Variants in SH3GL2 observed in about 807,000 individuals in gnomAD.
The protein encoded by SH3GL2 is endophilin-A1.
A neutral mutation model predicts 46.0 loss-of-function variants in SH3GL2; 24 were observed. The ratio of observed to expected loss-of-function variants is 0.52; its 90% CI spans 0.38 to 0.73. The LOEUF (loss-of-function observed/expected upper bound fraction) is 0.73, where lower values mean the gene tolerates loss of function less well. Ranked by LOEUF, SH3GL2 falls within the 30% of genes least tolerant of loss-of-function variation. The probability of loss-of-function intolerance (pLI) is 0.00; values close to 1 mark genes in which losing one functional copy is unlikely to be tolerated. For synonymous variants in SH3GL2, 196 were observed against 147.1 expected (o/e 1.33, Z -2.40); for missense variants, 413 against 424.2 (o/e 0.97, Z 0.23).
intron 1 of SH3GL2, among the ~76,000 whole-genome samples, chr9:17,619,683 A>AAAAT (rs1554630681): frequency 3.3e-5 from 5 of 152,276 alleles, no homozygotes; most frequent in South Asian, 2.1e-4. Context: ...ATCTCAAAAA[A>AAAAT]AAAATAAAAT....
At chr9:17,701,768 A>G (rs1201880178) in intron 1 of SH3GL2, among the ~76,000 whole-genome samples, 1 of 152,116 alleles carries the variant, frequency 6.6e-6, no homozygotes, top group African/African-American at 2.4e-5. Context: ...TATTTAAAAA[A>G]TAAATATAAC....
At chr9:17,698,290 TA>T (rs1211928543) in intron 1 of SH3GL2, among the ~76,000 whole-genome samples, 2 of 152,178 alleles carry the variant, frequency 1.3e-5, no homozygotes. Context: ...TTCTGACTCA[TA>T]AAATGGTCCA....
In SH3GL2 at chr9:17,640,124, T is replaced by C. The variant is rs149365504; in HGVS notation, c.45+60837T>C. On this transcript the variant is annotated intron_variant, in intron 1 of 8. Coordinates refer to ENST00000380607, the MANE Select transcript of SH3GL2 (RefSeq NM_003026.5). ...ATAAAATTAAAATGAGTGACTTTTC[T>C]TACAATTTATTATTTTGTCATTAAT... 2.7e-3 allele frequency among the ~76,000 whole-genome samples: 408 copies of C among 152,266 alleles called. 3 individuals carry two copies. Among genetic ancestry groups the C allele is most frequent in the African/African-American group, 9.2e-3 (381 of 41,560 alleles).
intron 1 of SH3GL2, among the ~76,000 whole-genome samples, chr9:17,646,313 T>G (rs1160323151): frequency 1.3e-5 from 2 of 152,106 alleles, no homozygotes; most frequent in Non-Finnish European, 2.9e-5. Flanking sequence ...TGCATTGGGT[T>G]AGGACATGCT....
At chr9:17,610,204 A>G (rs890113999) in intron 1 of SH3GL2, among the ~76,000 whole-genome samples, 11 of 152,368 alleles carry the variant, frequency 7.2e-5, no homozygotes, top group African/African-American at 9.6e-5. Context: ...CAAAATGCAC[A>G]TAAGTGTCTG....
chr9:17,777,653 C>G (rs1000890441), intron 3 of SH3GL2, among the ~76,000 whole-genome samples: 2 of 152,050 alleles, frequency 1.3e-5, no homozygotes, highest in African/African-American at 2.4e-5. Flanking sequence ...CGCCTTCTCA[C>G]TATGTCCTCA....
At chr9:17,692,898 C>A (rs1041137791) in intron 1 of SH3GL2, among the ~76,000 whole-genome samples, 10 of 152,142 alleles carry the variant, frequency 6.6e-5, no homozygotes, top group East Asian at 3.9e-4. Flanking sequence ...GAGGAAGAAG[C>A]AAAAGTGGAA....
chr9:17,767,116 A>G (rs1324334299), intron 3 of SH3GL2, among the ~76,000 whole-genome samples: 9 of 152,226 alleles, frequency 5.9e-5, no homozygotes, highest in Admixed American at 4.6e-4. Flanking sequence ...AACTGCTTAC[A>G]TAAAAAGCAG....
chr9:17,759,705 A>T (rs1037437830), intron 2 of SH3GL2, among the ~76,000 whole-genome samples: 2 of 152,178 alleles, frequency 1.3e-5, no homozygotes, highest in African/African-American at 2.4e-5. Context: ...GAACCTTAGA[A>T]ATTGGTCAGC....
chr9:17,700,139 T>C (rs1301606655), intron 1 of SH3GL2, among the ~76,000 whole-genome samples: 2 of 152,200 alleles, frequency 1.3e-5, no homozygotes, highest in Non-Finnish European at 2.9e-5. Flanking sequence ...GAACTTGGGT[T>C]CCTCTGGTAT....
chr9:17,640,078 A>C (rs1224121816), intron 1 of SH3GL2, among the ~76,000 whole-genome samples: 4 of 152,172 alleles, frequency 2.6e-5, no homozygotes, highest in African/African-American at 4.8e-5. Context: ...GTTGTGTGCA[A>C]TTATGAACAC....
chr9:17,600,310 C>G (rs1395786001), intron 1 of SH3GL2, among the ~76,000 whole-genome samples: 2 of 152,098 alleles, frequency 1.3e-5, no homozygotes, highest in African/African-American at 4.8e-5. Context: ...GTTCTTCAGC[C>G]TTAAAAGGTA....
At chr9:17,726,067 T>G (rs2118377448) in intron 1 of SH3GL2, among the ~76,000 whole-genome samples, 1 of 152,304 alleles carries the variant, frequency 6.6e-6, no homozygotes, top group South Asian at 2.1e-4. Context: ...GAGATGTTTC[T>G]TCACTTGCTG....
At chr9:17,755,776 G>C in intron 2 of SH3GL2, 2 of 985,068 alleles carry the variant, frequency 2.0e-6, no homozygotes, top group Non-Finnish European at 2.4e-6. Context: ...ACGCCACGCT[G>C]TTCACGAGTC....
chr9:17,674,778 C>G (rs1820567153), intron 1 of SH3GL2, among the ~76,000 whole-genome samples: 1 of 152,134 alleles, frequency 6.6e-6, no homozygotes, highest in Non-Finnish European at 1.5e-5. Flanking sequence ...CTCTCTCATC[C>G]TTAAGGGGAC....
At chr9:17,779,713 G>A (rs1225176921) in intron 3 of SH3GL2, among the ~76,000 whole-genome samples, 1 of 152,096 alleles carries the variant, frequency 6.6e-6, no homozygotes, top group Non-Finnish European at 1.5e-5. Flanking sequence ...GCTTCTTTCT[G>A]TTATCTAATG....
intron 3 of SH3GL2, among the ~76,000 whole-genome samples, chr9:17,763,671 C>A (rs1424249744): frequency 6.6e-6 from 1 of 152,122 alleles, no homozygotes; most frequent in African/African-American, 2.4e-5. Context: ...TTGAGGCTGC[C>A]CAGTTTGTGG....
chr9:17,648,391 A>G (rs1230642485), intron 1 of SH3GL2, among the ~76,000 whole-genome samples: 2 of 152,216 alleles, frequency 1.3e-5, no homozygotes, highest in African/African-American at 4.8e-5. Context: ...TAGGAAGAGT[A>G]AAATGTTGGG....
chr9:17,666,580 A>G (rs75937081), intron 1 of SH3GL2, among the ~76,000 whole-genome samples: 14,525 of 111,316 alleles, frequency 0.13, 823 homozygotes, highest in Admixed American at 0.24. Context: ...GTGTGTGTGT[A>G]TATACATTAA....
Sources: gnomAD v4.1 joint callset for allele counts (sites outside exome capture counted in the v4.1 genomes callset) on GRCh38, gnomAD v4.1.1 for gene constraint, MANE v1.5 for transcripts, NCBI Gene and HGNC (gene_info 2026-07-23, HGNC 2026-07-21) for gene names.